The following FBXL17 variants were observed in gnomAD, a reference collection of about 807,000 sequenced individuals.
The protein encoded by FBXL17 is F-box/LRR-repeat protein 17.
A neutral mutation model predicts 66.2 loss-of-function variants in FBXL17; 22 were observed. That is an observed-to-expected ratio of 0.33 (90% CI 0.24 to 0.47). The LOEUF (loss-of-function observed/expected upper bound fraction) is 0.47, where lower values mean the gene tolerates loss of function less well. FBXL17 is among the 20% of genes least tolerant of loss of function. The pLI is 1.00. For missense variants in FBXL17, 878 were observed against 948.2 expected (o/e 0.93, Z 0.97); for synonymous variants, 474 against 400.5 (o/e 1.18, Z -2.19).
At chr5:108,255,774 AC>A (rs370498978) in intron 4 of FBXL17, among the ~76,000 whole-genome samples, 11 of 152,298 alleles carry the variant, frequency 7.2e-5, no homozygotes, top group South Asian at 4.1e-4. Flanking sequence ...ACTCAAAAAA[AC>A]ATTTGTTGAG....
In FBXL17 at chr5:108,294,043, C is replaced by CAAAAAAA. The variant is rs71624893; in HGVS notation, c.1506+54349_1506+54355dup. Among the ~76,000 whole-genome samples the CAAAAAAA allele has an allele frequency of 7.8e-5, 4 of 51,124 alleles. 1 individual carries two copies. Among genetic ancestry groups the CAAAAAAA allele is most frequent in the Admixed American group, 3.2e-4 (1 of 3,160 alleles). 33.5% of individuals were successfully genotyped at this position (51,124 alleles called of 152,430 possible). Reference sequence around the variant, plus strand: ...GAGACAGAGCGAGACTCTTGTCTCACAAAAAAAAAAAAAAAAAAAAAAAGG... The same window carrying CAAAAAAA: ...GAGACAGAGCGAGACTCTTGTCTCACAAAAAAAAAAAAAAAAAAAAAAAAAAAAAAGG... On this transcript the variant is annotated intron_variant, in intron 4 of 8. Coordinates refer to ENST00000542267, the MANE Select transcript of FBXL17 (RefSeq NM_001163315.3).
intron 4 of FBXL17, among the ~76,000 whole-genome samples, chr5:108,258,737 A>ATTTTTTTTTTTTTTTTTTTT (rs759401052): frequency 8.1e-6 from 1 of 122,892 alleles, no homozygotes; most frequent in African/African-American, 3.0e-5. Context: ...GGCCTTTAAC[A>ATTTTTTTTTTTTTTTTTTTT]TTTTTTTTTT....
intron 4 of FBXL17, among the ~76,000 whole-genome samples, chr5:108,311,178 A>AT (rs1561522212): frequency 6.6e-6 from 1 of 150,952 alleles, no homozygotes; most frequent in African/African-American, 2.4e-5. Context: ...TTTTATTTTT[A>AT]TTTTTTTTCT....
chr5:107,927,357 C>G (rs1362628769), intron 7 of FBXL17, among the ~76,000 whole-genome samples: 2 of 152,114 alleles, frequency 1.3e-5, no homozygotes, highest in African/African-American at 2.4e-5. Flanking sequence ...GCAATGGCTA[C>G]TCTGACTCTA....
chr5:108,233,251 T>TG (rs1755451107), intron 4 of FBXL17, among the ~76,000 whole-genome samples: 1 of 152,168 alleles, frequency 6.6e-6, no homozygotes, highest in African/African-American at 2.4e-5. Context: ...TTTAGGTCTA[T>TG]GATGTTCTCA....
At position 107,861,568 on chromosome 5, in the gene FBXL17, G is replaced by T; in HGVS notation, c.*152C>A. On this transcript the variant is annotated 3_prime_UTR_variant, in exon 9 of 9. Coordinates refer to ENST00000542267, the MANE Select transcript of FBXL17 (RefSeq NM_001163315.3). ...GGGAACAAATGACAACTGCACTTTT[G>T]GTATGCAGTATGCAAACAAGACACA... 2 of 597,576 alleles carry T rather than the reference G, an allele frequency of 3.3e-6. No homozygotes were observed. The highest frequency in any genetic ancestry group is 3.5e-5 in the East Asian group (1 of 28,652). 37.0% of individuals were successfully genotyped at this position (597,576 alleles called of 1,614,324 possible).
At chr5:108,154,278 A>G (rs2149998934) in intron 6 of FBXL17, among the ~76,000 whole-genome samples, 1 of 131,960 alleles carries the variant, frequency 7.6e-6, no homozygotes, top group South Asian at 2.9e-4. Context: ...TGTGGAAAGG[A>G]TCACAGCTGA....
intron 8 of FBXL17, among the ~76,000 whole-genome samples, chr5:107,874,312 T>C (rs978951617): frequency 6.6e-6 from 1 of 152,198 alleles, no homozygotes; most frequent in African/African-American, 2.4e-5. Flanking sequence ...GTGATTAATA[T>C]ACCAGATACA....
intron 6 of FBXL17, among the ~76,000 whole-genome samples, chr5:108,175,440 C>T (rs1019972587): frequency 2.0e-5 from 3 of 152,170 alleles, no homozygotes; most frequent in Non-Finnish European, 4.4e-5. Context: ...AAATGGAATT[C>T]ATATTCATTT....
At chr5:108,380,632 A>G (rs1749781402) in intron 1 of FBXL17, 67 bp downstream of exon 1, 19 of 894,986 alleles carry the variant, frequency 2.1e-5, no homozygotes, top group Non-Finnish European at 2.5e-5. Context: ...AGGAGAGAGA[A>G]AGCCTCGGAG....
intron 7 of FBXL17, among the ~76,000 whole-genome samples, chr5:107,917,280 A>T (rs994108262): frequency 1.3e-5 from 2 of 152,152 alleles, no homozygotes; most frequent in Non-Finnish European, 2.9e-5. Flanking sequence ...TCTTGTGAGG[A>T]TGCTGGTAAA....
chr5:108,273,746 T>C (rs1398276114), intron 4 of FBXL17, among the ~76,000 whole-genome samples: 2 of 152,132 alleles, frequency 1.3e-5, no homozygotes, highest in Non-Finnish European at 2.9e-5. Flanking sequence ...AGAAAGGACA[T>C]TTGAAAAATA....
At chr5:108,188,890 C>T (rs1414013431) in intron 5 of FBXL17, among the ~76,000 whole-genome samples, 1 of 152,120 alleles carries the variant, frequency 6.6e-6, no homozygotes, top group Admixed American at 6.5e-5. Context: ...AAATAAAATA[C>T]AAAATAAATA....
chr5:107,865,399 A>G (rs1438637202), intron 8 of FBXL17, among the ~76,000 whole-genome samples: 1 of 120,520 alleles, frequency 8.3e-6, no homozygotes, highest in Non-Finnish European at 1.7e-5. Context: ...AAATAATTTC[A>G]TGGTAGGGTT....
intron 6 of FBXL17, among the ~76,000 whole-genome samples, chr5:108,034,040 T>C (rs1312916464): frequency 1.3e-5 from 2 of 152,094 alleles, no homozygotes; most frequent in Non-Finnish European, 2.9e-5. Flanking sequence ...CCCCATGCAA[T>C]AGCTTTCTGG....
chr5:107,981,719 G>GAA (rs144227129), intron 7 of FBXL17, among the ~76,000 whole-genome samples: 2 of 151,892 alleles, frequency 1.3e-5, no homozygotes, highest in African/African-American at 4.8e-5. Context: ...GAACATTATA[G>GAA]AAAAAAAACA....
intron 4 of FBXL17, among the ~76,000 whole-genome samples, chr5:108,336,825 C>A (rs1377740844): frequency 6.6e-6 from 1 of 151,950 alleles, no homozygotes; most frequent in Non-Finnish European, 1.5e-5. Flanking sequence ...TATATTTCAC[C>A]AATTCAGTAA....
intron 6 of FBXL17, among the ~76,000 whole-genome samples, chr5:108,035,594 C>A (rs1046315076): frequency 6.6e-6 from 1 of 151,964 alleles, no homozygotes; most frequent in Non-Finnish European, 1.5e-5. Context: ...CTCAAACTCC[C>A]AACCTCAGGT....
intron 7 of FBXL17, among the ~76,000 whole-genome samples, chr5:107,964,486 CA>C (rs568294091): frequency 8.6e-5 from 13 of 151,984 alleles, no homozygotes; most frequent in African/African-American, 3.1e-4. Flanking sequence ...CACAAATATC[CA>C]AACTGGATCA....
Sources: gnomAD v4.1 joint callset for allele counts (sites outside exome capture counted in the v4.1 genomes callset) on GRCh38, gnomAD v4.1.1 for gene constraint, MANE v1.5 for transcripts, NCBI Gene and HGNC (gene_info 2026-07-23, HGNC 2026-07-21) for gene names.